CDC123: variants seen among roughly 807,000 people sequenced by gnomAD.
CDC123 encodes the protein translation initiation factor eIF2 assembly protein.
In CDC123, 37 loss-of-function variants were observed where a neutral mutation model predicts 54.4. The observed-to-expected ratio is 0.68, with a 90% CI of 0.52 to 0.89. The LOEUF is 0.89. CDC123 is among the 40% of genes least tolerant of loss of function. The pLI is 0.00. For missense variants in CDC123, 361 were observed against 412.1 expected, an observed-to-expected ratio of 0.88 and a Z score of 1.07; for synonymous variants, 144 against 136.8, an observed-to-expected ratio of 1.05 and a Z score of -0.37.
intron 5 of CDC123, among the ~76,000 whole-genome samples, chr10:12,216,496 A>G (rs577425815): frequency 6.6e-6 from 1 of 152,252 alleles, no homozygotes; most frequent in African/African-American, 2.4e-5. Context: ...TACTTCTAAA[A>G]ATTAATTATA....
intron 6 of CDC123, among the ~76,000 whole-genome samples, chr10:12,217,808 C>T (rs1357308798): frequency 2.0e-5 from 3 of 152,122 alleles, no homozygotes; most frequent in African/African-American, 4.8e-5. Flanking sequence ...CTCTCATGGC[C>T]GGGCGCGGTG....
At chr10:12,222,215 A>C (rs1835746125) in intron 6 of CDC123, among the ~76,000 whole-genome samples, 1 of 152,256 alleles carries the variant, frequency 6.6e-6, no homozygotes, top group African/African-American at 2.4e-5. Flanking sequence ...TGGAGGGTAG[A>C]CAGCTAGTGC....
chr10:12,208,253 A>C (rs1297759845), intron 2 of CDC123, among the ~76,000 whole-genome samples: 1 of 151,930 alleles, frequency 6.6e-6, no homozygotes, highest in African/African-American at 2.4e-5. Context: ...TTCCTAGGCT[A>C]GTTATTTGTA....
chr10:12,221,753 T>C (rs1039358634), intron 6 of CDC123, among the ~76,000 whole-genome samples: 1 of 150,860 alleles, frequency 6.6e-6, no homozygotes, highest in Non-Finnish European at 1.5e-5. Flanking sequence ...AAATTTATTT[T>C]TTAAATAAAT....
intron 1 of CDC123, among the ~76,000 whole-genome samples, chr10:12,198,030 G>C (rs1835389548): frequency 6.6e-6 from 1 of 152,090 alleles, no homozygotes. Context: ...AGGGATCTGT[G>C]GTAGGGCTTT....
chr10:12,228,838 G>T (rs1219240493), intron 6 of CDC123, among the ~76,000 whole-genome samples: 2 of 152,214 alleles, frequency 1.3e-5, no homozygotes. Flanking sequence ...CCAAAGTGCT[G>T]GGATTATAGG....
rs182005737 is a variant in CDC123, at chr10:12,232,860, C to T, written c.489+1864C>T. ...GTGCAGTGGCGCCATCTCCGGTTCA[C>T]GCCATTCTCCTGCCTCAGCCTCCCA... is the stretch of plus-strand genomic sequence containing the variant. On this transcript the variant is annotated intron_variant, in intron 7 of 12. Transcript: ENST00000281141. Among the ~76,000 whole-genome samples, 74 of 151,570 alleles carry T rather than the reference C, an allele frequency of 4.9e-4. No individual in the cohort carries two copies. The East Asian group carries it at 9.7e-3, about 20-fold the overall frequency.
At chr10:12,248,438 G>A (rs1406414649) in intron 11 of CDC123, among the ~76,000 whole-genome samples, 1 of 151,592 alleles carries the variant, frequency 6.6e-6, no homozygotes, top group East Asian at 1.9e-4. Flanking sequence ...GAACCTGGAA[G>A]GCGGATGTTG....
In CDC123 at chr10:12,249,657, A is replaced by G; in HGVS notation, c.923A>G (p.Lys308Arg). The G allele has an allele frequency of 1.2e-6, 2 of 1,614,222 alleles. No homozygotes were observed. Among genetic ancestry groups the G allele is most frequent in the East Asian group, 2.2e-5 (1 of 44,890 alleles). Residue 308 changes from lysine to arginine, a missense_variant, in exon 12 of 13, where the codon AAG becomes AGG. By Grantham distance (26) the Lys-to-Arg change is conservative. Coordinates refer to ENST00000281141, the MANE Select transcript of CDC123 (RefSeq NM_006023.3). ...CCCTATTTGAGTTACCGGCTACCCA[A>G]GGACTTTGTAGACCTCTCTACTGGG... ...PSPYLSYRLP[K>R]DFVDLSTGED...
At chr10:12,232,073 C>G (rs778470990) in intron 7 of CDC123, among the ~76,000 whole-genome samples, 1 of 152,082 alleles carries the variant, frequency 6.6e-6, no homozygotes, top group Non-Finnish European at 1.5e-5. Context: ...TCTCGAACTC[C>G]TGACCTCAAG....
At chr10:12,196,789 C>T (rs1835357476) in intron 1 of CDC123, among the ~76,000 whole-genome samples, 1 of 152,158 alleles carries the variant, frequency 6.6e-6, no homozygotes, top group Non-Finnish European at 1.5e-5. Flanking sequence ...TCTTGAAAAA[C>T]GGAGAGTGGA....
chr10:12,233,315 A>ACACACACT (rs778520834), intron 7 of CDC123, among the ~76,000 whole-genome samples: 12 of 125,872 alleles, frequency 9.5e-5, no homozygotes, highest in Non-Finnish European at 1.4e-4. Context: ...ACACACACAC[A>ACACACACT]CTCTCTGTCT....
intron 10 of CDC123, among the ~76,000 whole-genome samples, chr10:12,239,080 G>A (rs569654126): frequency 1.3e-5 from 2 of 152,096 alleles, no homozygotes; most frequent in South Asian, 2.1e-4. Context: ...ACTTGAGCCC[G>A]GGAATGCAAG....
intron 1 of CDC123, among the ~76,000 whole-genome samples, chr10:12,198,116 A>G (rs375455373): frequency 2.0e-5 from 3 of 152,218 alleles, no homozygotes; most frequent in Admixed American, 6.5e-5. Flanking sequence ...TGGCTTTGCC[A>G]TCCTTAATTA....
chr10:12,202,914 C>T (rs1201868511), intron 2 of CDC123, among the ~76,000 whole-genome samples: 2 of 152,192 alleles, frequency 1.3e-5, no homozygotes, highest in Admixed American at 1.3e-4. Context: ...ACTCAGGAAG[C>T]TTAGGTAGGA....
intron 11 of CDC123, among the ~76,000 whole-genome samples, chr10:12,248,336 C>G (rs1836186612): frequency 6.6e-6 from 1 of 151,084 alleles, no homozygotes. Flanking sequence ...GGTGAAACCC[C>G]GTCTCTACTA....
Position 12,204,356 on chromosome 10 carries a change from T to C in CDC123, c.146+5580T>C, listed in dbSNP as rs563108528. On this transcript the variant is annotated intron_variant, in intron 2 of 12. Transcript: ENST00000281141. Reference sequence around the variant, plus strand: ...GTTGAGCATCCCTAATTAGAAAATCTGAAATCTGTCCAGATGGGTGCTGAG... The same window carrying C: ...GTTGAGCATCCCTAATTAGAAAATCCGAAATCTGTCCAGATGGGTGCTGAG... Among the ~76,000 whole-genome samples the C allele has an allele frequency of 7.9e-5, 12 of 152,296 alleles. No individual in the cohort carries two copies. The South Asian group carries it at 2.3e-3, about 29-fold the overall frequency.
intron 2 of CDC123, among the ~76,000 whole-genome samples, chr10:12,203,719 C>T (rs556801521): frequency 1.8e-4 from 28 of 152,144 alleles, no homozygotes; most frequent in South Asian, 1.7e-3. Flanking sequence ...GGCATCCTAC[C>T]GTAGGAGTCT....
At chr10:12,234,478 G>T (rs961755132) in intron 7 of CDC123, among the ~76,000 whole-genome samples, 1 of 152,204 alleles carries the variant, frequency 6.6e-6, no homozygotes, top group South Asian at 2.1e-4. Context: ...CTCAGTCTCC[G>T]AAAGTGCTGG....
Sources: gnomAD v4.1 joint callset for allele counts (sites outside exome capture counted in the v4.1 genomes callset) on GRCh38, gnomAD v4.1.1 for gene constraint, MANE v1.5 for transcripts, NCBI Gene and HGNC (gene_info 2026-07-23, HGNC 2026-07-21) for gene names.